Variants in BBX observed in about 807,000 individuals in gnomAD.
BBX encodes BBX high mobility group box domain containing.
A neutral mutation model predicts 100.2 loss-of-function variants in BBX; 30 were observed. The ratio of observed to expected loss-of-function variants is 0.30; its 90% CI spans 0.22 to 0.41. The LOEUF (loss-of-function observed/expected upper bound fraction) is 0.41, where lower values mean the gene tolerates loss of function less well. Ranked by LOEUF, BBX falls within the 10% of genes least tolerant of loss-of-function variation. BBX has a pLI of 1.00. For missense variants in BBX, 1,023 were observed against 1,129.8 expected (o/e 0.91, Z 1.35); for synonymous variants, 376 against 388.1 (o/e 0.97, Z 0.37).
intron 2 of BBX, among the ~76,000 whole-genome samples, chr3:107,641,087 C>CT (rs11403529): frequency 0.53 from 73,555 of 139,358 alleles, 19,915 homozygotes; most frequent in East Asian, 0.96. Flanking sequence ...TCTTTTCTTT[C>CT]TTTTTTTTTT....
chr3:107,633,759 A>G (rs1172092636), intron 2 of BBX, among the ~76,000 whole-genome samples: 1 of 152,228 alleles, frequency 6.6e-6, no homozygotes. Flanking sequence ...TATTGATTTC[A>G]GTTTTAACCT....
intron 2 of BBX, among the ~76,000 whole-genome samples, chr3:107,623,219 A>AGTGG (rs1173893775): frequency 6.6e-6 from 1 of 152,202 alleles, no homozygotes; most frequent in Non-Finnish European, 1.5e-5. Flanking sequence ...GGGGACAAGC[A>AGTGG]GTGGGATGAT....
At chr3:107,794,436 G>A (rs940089626) in intron 15 of BBX, among the ~76,000 whole-genome samples, 10 of 151,012 alleles carry the variant, frequency 6.6e-5, no homozygotes, top group Admixed American at 4.6e-4. Context: ...ATTTCACAAC[G>A]GGGAAAAAAA....
intron 10 of BBX, among the ~76,000 whole-genome samples, chr3:107,760,150 C>A (rs1227617637): frequency 6.6e-6 from 1 of 152,218 alleles, no homozygotes; most frequent in South Asian, 2.1e-4. Flanking sequence ...AGAGCCTACA[C>A]AGGAACCCAG....
At chr3:107,715,815 C>G (rs1392696619) in intron 4 of BBX, among the ~76,000 whole-genome samples, 1 of 152,116 alleles carries the variant, frequency 6.6e-6, no homozygotes, top group Non-Finnish European at 1.5e-5. Context: ...TAGAAGTCCT[C>G]GAAGACCTTG....
intron 2 of BBX, among the ~76,000 whole-genome samples, chr3:107,639,984 A>G (rs1461458721): frequency 6.6e-6 from 1 of 152,160 alleles, no homozygotes; most frequent in Non-Finnish European, 1.5e-5. Flanking sequence ...ATGCTTTTCT[A>G]CCCCTTAGTT....
chr3:107,641,348 G>A (rs376821865), intron 2 of BBX, among the ~76,000 whole-genome samples: 1 of 152,112 alleles, frequency 6.6e-6, no homozygotes, highest in South Asian at 2.1e-4. Flanking sequence ...GCCTTCCAAA[G>A]TGCTGGGATT....
chr3:107,611,322 A>G (rs2054833838), intron 2 of BBX, among the ~76,000 whole-genome samples: 1 of 152,132 alleles, frequency 6.6e-6, no homozygotes, highest in Non-Finnish European at 1.5e-5. Context: ...TGTACTATCA[A>G]CCATGAGTTT....
chr3:107,528,117 C>G (rs1250581129), intron 2 of BBX, among the ~76,000 whole-genome samples: 3 of 152,128 alleles, frequency 2.0e-5, no homozygotes, highest in Non-Finnish European at 4.4e-5. Flanking sequence ...TGAAGTAGTT[C>G]TGATAGTGTA....
chr3:107,620,839 C>G (rs1443040345), intron 2 of BBX, among the ~76,000 whole-genome samples: 1 of 151,694 alleles, frequency 6.6e-6, no homozygotes, highest in Non-Finnish European at 1.5e-5. Flanking sequence ...TCACTAGGCC[C>G]CTTCTGATGC....
chr3:107,576,898 G>A (rs961405241), intron 2 of BBX, among the ~76,000 whole-genome samples: 1 of 152,016 alleles, frequency 6.6e-6, no homozygotes, highest in South Asian at 2.1e-4. Context: ...GTCTCACTCT[G>A]TCTCCAGGCT....
chr3:107,781,534 CT>C (rs1424537560), intron 13 of BBX, among the ~76,000 whole-genome samples: 1 of 152,086 alleles, frequency 6.6e-6, no homozygotes, highest in East Asian at 1.9e-4. Flanking sequence ...TAAAGGAAAG[CT>C]TTAAATTATA....
intron 2 of BBX, among the ~76,000 whole-genome samples, chr3:107,577,005 C>T (rs780521956): frequency 3.3e-5 from 5 of 152,028 alleles, no homozygotes; most frequent in East Asian, 1.9e-4. Flanking sequence ...GGACTACAGG[C>T]GTGTGCCACC....
At chr3:107,616,588 T>C (rs1022943502) in intron 2 of BBX, among the ~76,000 whole-genome samples, 1 of 152,182 alleles carries the variant, frequency 6.6e-6, no homozygotes, top group African/African-American at 2.4e-5. Flanking sequence ...TTTAAACAAC[T>C]TAAGCTGTTT....
chr3:107,592,547 A>G (rs1057228227), intron 2 of BBX, among the ~76,000 whole-genome samples: 6 of 152,134 alleles, frequency 3.9e-5, no homozygotes, highest in Non-Finnish European at 8.8e-5. Flanking sequence ...GAAATGTGAA[A>G]CATTTAAAAA....
chr3:107,755,886 G>A, intron 10 of BBX, among the ~76,000 whole-genome samples: 1 of 152,266 alleles, frequency 6.6e-6, no homozygotes, highest in East Asian at 1.9e-4. Context: ...GTTACCTAGA[G>A]ATATTGCAAA....
At chr3:107,766,412 T>A (rs2066398186) in intron 10 of BBX, among the ~76,000 whole-genome samples, 1 of 152,140 alleles carries the variant, frequency 6.6e-6, no homozygotes, top group Non-Finnish European at 1.5e-5. Flanking sequence ...CAAACAAATC[T>A]TAAGACTATT....
At chr3:107,638,788 CACACACACACACACACACA>C (rs2057015237) in intron 2 of BBX, among the ~76,000 whole-genome samples, 1 of 18,462 alleles carries the variant, frequency 5.4e-5, no homozygotes, top group African/African-American at 6.0e-4. Context: ...TATACACACA[CACACACACACACACACACA>C]CACACACACA....
chr3:107,566,067 T>TG (rs2050879426), intron 2 of BBX, among the ~76,000 whole-genome samples: 1 of 142,776 alleles, frequency 7.0e-6, no homozygotes, highest in Admixed American at 7.6e-5. Flanking sequence ...CCCAGCCACT[T>TG]GGGAGATTGT....
Sources: gnomAD v4.1 joint callset for allele counts (sites outside exome capture counted in the v4.1 genomes callset) on GRCh38, gnomAD v4.1.1 for gene constraint, MANE v1.5 for transcripts, NCBI Gene and HGNC (gene_info 2026-07-23, HGNC 2026-07-21) for gene names.